The following FBXL3 variants were observed in gnomAD, a reference collection of about 807,000 sequenced individuals.
FBXL3 encodes the protein F-box and leucine rich repeat protein 3.
A neutral mutation model predicts 37.9 loss-of-function variants in FBXL3; 14 were observed. The ratio of observed to expected loss-of-function variants is 0.37; its 90% CI spans 0.24 to 0.58. FBXL3 has a LOEUF of 0.58. FBXL3 is among the 20% of genes least tolerant of loss of function. FBXL3 has a pLI of 0.74. For missense variants in FBXL3, 327 were observed against 511.1 expected (o/e 0.64, Z 3.47); for synonymous variants, 194 against 180.1 (o/e 1.08, Z -0.62).
chr13:77,018,393 A>C, intron 3 of FBXL3: 1 of 348,166 alleles, frequency 2.9e-6, no homozygotes. Flanking sequence ...AATTTCTTTA[A>C]CCATACCAAT....
chr13:77,011,722 C>CAAA (rs60267585), intron 4 of FBXL3, among the ~76,000 whole-genome samples: 24 of 93,254 alleles, frequency 2.6e-4, no homozygotes, highest in Non-Finnish European at 3.8e-4. Flanking sequence ...GACCCTGTCT[C>CAAA]AAAAAAAAAA....
intron 4 of FBXL3, chr13:77,013,438 G>A (rs2034589422): frequency 6.6e-6 from 1 of 152,102 alleles, no homozygotes; most frequent in South Asian, 2.1e-4. Flanking sequence ...TCCCCAAATT[G>A]CTCCTGGCAA....
At chr13:77,015,630 A>G in intron 3 of FBXL3, 50 bp from the exon 4 acceptor site, 1 of 1,282,554 alleles carries the variant, frequency 7.8e-7, no homozygotes, top group South Asian at 1.9e-5. Flanking sequence ...TTTAGAAATG[A>G]GAATCAAGGG....
rs1487395983 is a variant in FBXL3, at chr13:77,020,993, A to G, written c.348+520T>C. 4.6e-5 allele frequency among the ~76,000 whole-genome samples: 7 copies of G among 152,182 alleles called. No homozygotes were observed. In the East Asian group the frequency reaches 1.3e-3, roughly 29 times the overall value. Reference sequence around the variant, plus strand: ...TCCAATACCTTCCTTCCAGCAACAAAAAGAAATAAACAGTTCCCTTTGGCA... The same window carrying G: ...TCCAATACCTTCCTTCCAGCAACAAGAAGAAATAAACAGTTCCCTTTGGCA... On this transcript the variant is annotated intron_variant, in intron 2 of 4. Transcript: ENST00000355619.
At chr13:77,015,190 T>C in intron 4 of FBXL3, 1 of 341,540 alleles carries the variant, frequency 2.9e-6, no homozygotes, top group Non-Finnish European at 5.2e-6. Flanking sequence ...CATGTGCTAT[T>C]CATAAATTTA....
Position 77,007,439 on chromosome 13 carries a change from G to C in FBXL3, c.993C>G (p.Cys331Trp). ...KDVLGRVGMTCPRLVELVVCA... is the reference protein window; with the variant it reads ...KDVLGRVGMTWPRLVELVVCA... ...ACACTACTAGTTCAACCAGTCTAGG[G>C]CATGTCATTCCCACACGGCCAAGCA... is the stretch of plus-strand genomic sequence containing the variant. Residue 331 changes from cysteine (C) to tryptophan (W), a missense_variant, in exon 5 of 5, where the codon TGC (cysteine) becomes TGG (tryptophan). By Grantham distance (215) the Cys-to-Trp change is radical (BLOSUM62 -2). Coordinates refer to ENST00000355619, the MANE Select transcript of FBXL3 (RefSeq NM_012158.4). 1 of 1,614,102 alleles carries C rather than the reference G, an allele frequency of 6.2e-7. No homozygotes were observed. Among genetic ancestry groups the C allele is most frequent in the Non-Finnish European group, 8.5e-7 (1 of 1,180,022 alleles).
At position 77,006,072 on chromosome 13, in the gene FBXL3, A is replaced by G. The variant is rs962346636; in HGVS notation, c.*1073T>C. 2 of 152,578 alleles carry G rather than the reference A, an allele frequency of 1.3e-5. No individual in the cohort carries two copies. The highest frequency in any genetic ancestry group is 4.8e-5 in the African/African-American group (2 of 41,456). 9.5% of individuals were successfully genotyped at this position (152,578 alleles called of 1,614,324 possible). ...GCAATATTTACTGAAAAATATGATTATGAACTTAAATATGTCCTCTTTAAA... is the reference window on the plus strand; with the variant it reads ...GCAATATTTACTGAAAAATATGATTGTGAACTTAAATATGTCCTCTTTAAA... On this transcript the variant is annotated 3_prime_UTR_variant, in exon 5 of 5. Coordinates refer to ENST00000355619, the MANE Select transcript of FBXL3 (RefSeq NM_012158.4).
chr13:77,026,420 G>A lies in FBXL3; in HGVS notation c.-2+407C>T, dbSNP rs531584246. The A allele has an allele frequency of 2.7e-5, 26 of 962,098 alleles. No homozygotes were observed. The African/African-American group carries it at 4.6e-4, about 17-fold the overall frequency. 59.6% of individuals were successfully genotyped at this position (962,098 alleles called of 1,614,324 possible). On this transcript the variant is annotated intron_variant, in intron 1 of 4. Coordinates refer to ENST00000355619, the MANE Select transcript of FBXL3 (RefSeq NM_012158.4). Reference sequence around the variant, plus strand: ...TGCTTTGACATTTCAGTGCCTCATTGCTCAAGCTACCAGCACGGGCGTAGC... The same window carrying A: ...TGCTTTGACATTTCAGTGCCTCATTACTCAAGCTACCAGCACGGGCGTAGC...
At chr13:77,026,782 G>C (rs1217625627) in intron 1 of FBXL3, 45 bp downstream of exon 1, 1 of 119,810 alleles carries the variant, frequency 8.3e-6, no homozygotes, top group East Asian at 2.6e-4. Context: ...TCCCTCCCCG[G>C]CTCCGCCGTC....
chr13:77,018,478 AC>A, intron 3 of FBXL3, 121 bp downstream of exon 3: 1 of 640,712 alleles, frequency 1.6e-6, no homozygotes, highest in African/African-American at 1.9e-5. Flanking sequence ...CTAAATAGTA[AC>A]TGGTTTTCCA....
chr13:77,025,807 A>T (rs565969535), intron 1 of FBXL3, among the ~76,000 whole-genome samples: 26 of 152,256 alleles, frequency 1.7e-4, no homozygotes, highest in South Asian at 1.7e-3. Context: ...GGCATGCAAT[A>T]ATTTTAAATG....
intron 4 of FBXL3, chr13:77,015,145 G>A (rs1482451022): frequency 8.2e-6 from 2 of 245,148 alleles, no homozygotes; most frequent in Admixed American, 1.1e-4. Flanking sequence ...ACCTCATACT[G>A]TCCTTTCCTC....
intron 4 of FBXL3, among the ~76,000 whole-genome samples, chr13:77,011,948 TA>T (rs1032213583): frequency 6.6e-6 from 1 of 152,156 alleles, no homozygotes; most frequent in Non-Finnish European, 1.5e-5. Flanking sequence ...TAAGAGAAAT[TA>T]AACCATATGT....
In FBXL3 at chr13:77,006,050, A is replaced by G. The variant is rs970132217; in HGVS notation, c.*1095T>C. 5 of 152,554 alleles carry G rather than the reference A, an allele frequency of 3.3e-5. No homozygotes were observed. The highest frequency in any genetic ancestry group is 1.2e-4 in the African/African-American group (5 of 41,448). 9.5% of individuals were successfully genotyped at this position (152,554 alleles called of 1,614,324 possible). A position where few individuals can be genotyped will look rare whatever the true frequency, so the allele number is the denominator to read the frequency against. On this transcript the variant is annotated 3_prime_UTR_variant, in exon 5 of 5. Transcript: ENST00000355619. ...TTAAAGTTTTCCAGTTCACTGAGCA[A>G]TATTTACTGAAAAATATGATTATGA...
Position 77,007,415 on chromosome 13 carries a change from C to T in FBXL3, c.1017G>A (p.Val339=). The change falls in exon 5 of 5, where the codon GTG becomes GTA. Residue 339 remains valine (V), a synonymous_variant. Transcript: ENST00000355619. ...CAAGTGGCCGTAATCCATTTGCACA[C>T]ACTACTAGTTCAACCAGTCTAGGGC... ...MTCPRLVELV[V]CANGLRPLDE... The T allele has an allele frequency of 6.2e-7, 1 of 1,614,174 alleles. No individual in the cohort carries two copies. Among genetic ancestry groups the T allele is most frequent in the Non-Finnish European group, 8.5e-7 (1 of 1,180,024 alleles).
intron 4 of FBXL3, among the ~76,000 whole-genome samples, chr13:77,011,625 A>C (rs1210927531): frequency 2.7e-5 from 4 of 150,382 alleles, no homozygotes; most frequent in African/African-American, 4.9e-5. Flanking sequence ...TGGGAGGCTG[A>C]GGTGAGAAGA....
At chr13:77,012,963 C>A (rs1279910799) in intron 4 of FBXL3, 2 of 152,324 alleles carry the variant, frequency 1.3e-5, no homozygotes, top group East Asian at 3.9e-4. Flanking sequence ...TTAGTAGAGA[C>A]GGGCTTTCAC....
chr13:77,020,160 C>T (rs763014623), intron 2 of FBXL3, among the ~76,000 whole-genome samples: 14 of 152,052 alleles, frequency 9.2e-5, no homozygotes, highest in Admixed American at 6.6e-4. Flanking sequence ...CAGTTAGGAT[C>T]GCAAGATAAT....
chr13:77,023,733 A>G (rs1385067209), intron 1 of FBXL3, among the ~76,000 whole-genome samples: 2 of 152,090 alleles, frequency 1.3e-5, no homozygotes, highest in Non-Finnish European at 2.9e-5. Flanking sequence ...TTGCTCCAAC[A>G]CTCCTCTGGC....
Sources: gnomAD v4.1 joint callset for allele counts (sites outside exome capture counted in the v4.1 genomes callset) on GRCh38, gnomAD v4.1.1 for gene constraint, MANE v1.5 for transcripts, NCBI Gene and HGNC (gene_info 2026-07-23, HGNC 2026-07-21) for gene names.